TOMM20: variants seen among roughly 807,000 people sequenced by gnomAD.
TOMM20 encodes the protein translocase of outer mitochondrial membrane 20.
TOMM20 carries 10 observed loss-of-function variants against 22.1 expected under a neutral mutation model. The observed-to-expected ratio is 0.45, with a 90% CI of 0.28 to 0.77. The LOEUF is 0.77. Ranked by LOEUF, TOMM20 falls within the 30% of genes least tolerant of loss-of-function variation. The pLI, the probability that TOMM20 is intolerant of heterozygous loss-of-function variation, is 0.13. For synonymous variants in TOMM20, 55 were observed against 61.4 expected (o/e 0.90, Z 0.49); for missense variants, 121 against 172.2 (o/e 0.70, Z 1.66).
In TOMM20 at chr1:235,119,883, T is replaced by A; in HGVS notation, c.185A>T (p.Asp62Val). The A allele has an allele frequency of 6.2e-7, 1 of 1,610,756 alleles. No homozygotes were observed. Among genetic ancestry groups the A allele is most frequent in the Non-Finnish European group, 8.5e-7 (1 of 1,177,838 alleles). Reference sequence around the variant, plus strand: ...GAAGAACTTCTGAACAGCTTCAGCATCTTTAAGGTCAGGTAACTGGAAATA... The same window carrying A: ...GAAGAACTTCTGAACAGCTTCAGCAACTTTAAGGTCAGGTAACTGGAAATA... ...AGLSKLPDLK[D>V]AEAVQKFFLE... The change falls in exon 3 of 5, where the codon GAT becomes GTT. Residue 62 changes from aspartate to valine, a missense_variant. By Grantham distance (152) the Asp-to-Val change is radical. Transcript: ENST00000366607.
At chr1:235,120,602 C>A (rs576845318) in intron 2 of TOMM20, among the ~76,000 whole-genome samples, 1 of 151,826 alleles carries the variant, frequency 6.6e-6, no homozygotes, top group Non-Finnish European at 1.5e-5. Context: ...TTTTTTGAGA[C>A]AGGGTCTCAC....
chr1:235,127,276 C>A (rs139403417), intron 1 of TOMM20, among the ~76,000 whole-genome samples: 1 of 152,308 alleles, frequency 6.6e-6, no homozygotes, highest in East Asian at 1.9e-4. Flanking sequence ...ACAAGATCAA[C>A]AAGAGGTAGG....
intron 2 of TOMM20, among the ~76,000 whole-genome samples, chr1:235,121,989 CTT>C (rs1660938658): frequency 6.6e-6 from 1 of 152,094 alleles, no homozygotes; most frequent in African/African-American, 2.4e-5. Context: ...GAAATTAAAT[CTT>C]AAGTGTAATA....
chr1:235,109,817 G>C lies in TOMM20; in HGVS notation c.*2247C>G, dbSNP rs541598581. The C allele has an allele frequency of 6.6e-6, 1 of 152,198 alleles. No individual in the cohort carries two copies. The highest frequency in any genetic ancestry group is 1.5e-5 in the Non-Finnish European group (1 of 68,036). 9.4% of individuals were successfully genotyped at this position (152,198 alleles called of 1,614,324 possible). A position where few individuals can be genotyped will look rare whatever the true frequency, so the allele number is the denominator to read the frequency against. The stretch of plus-strand genomic sequence containing the variant: ...ATTTCCAAAGTTTTTTAGTAAGTGT[G>C]CAACATTAGCACATGGAAACGCTCA... On this transcript the variant is annotated 3_prime_UTR_variant, in exon 5 of 5. Transcript: ENST00000366607.
intron 2 of TOMM20, 116 bp downstream of exon 2, chr1:235,122,210 G>T: frequency 1.2e-6 from 1 of 827,606 alleles, no homozygotes; most frequent in Non-Finnish European, 1.7e-6. Context: ...AAATAAAAAA[G>T]CAATGTCCAG....
intron 3 of TOMM20, chr1:235,119,494 T>C (rs773954419): frequency 5.5e-5 from 10 of 182,464 alleles, no homozygotes; most frequent in Non-Finnish European, 1.1e-4. Context: ...TATCGCACTA[T>C]GGCTATACAT....
At position 235,109,387 on chromosome 1, in the gene TOMM20, CAAT is replaced by C. The variant is rs1305001947; in HGVS notation, c.*2674_*2676del. On this transcript the variant is annotated 3_prime_UTR_variant, in exon 5 of 5. Transcript: ENST00000366607. ...TTCACTTAAACAGTTGAGGCACAAG[CAAT>C]AATAAAACTGCATTTTTTACGTTAC... is the stretch of plus-strand genomic sequence containing the variant. The C allele has an allele frequency of 6.6e-6, 1 of 152,218 alleles. No individual in the cohort carries two copies. Among genetic ancestry groups the C allele is most frequent in the Non-Finnish European group, 1.5e-5 (1 of 68,040 alleles). The allele number at this position is 152,218 out of a possible 1,614,324, so 9.4% of individuals were successfully genotyped here.
intron 3 of TOMM20, among the ~76,000 whole-genome samples, chr1:235,117,475 CAAA>C (rs11307835): frequency 4.4e-5 from 6 of 136,138 alleles, no homozygotes; most frequent in African/African-American, 1.1e-4. Flanking sequence ...TCAAAAAAAA[CAAA>C]AAAAAAAAAA....
At chr1:235,119,945 G>A in intron 2 of TOMM20, 46 bp from the exon 3 acceptor site, 1 of 1,304,558 alleles carries the variant, frequency 7.7e-7, no homozygotes, top group South Asian at 1.2e-5. Flanking sequence ...TATGCCAGGG[G>A]ATATAACCAA....
intron 3 of TOMM20, among the ~76,000 whole-genome samples, chr1:235,117,046 G>A (rs11582001): frequency 0.26 from 37,990 of 144,190 alleles, 6,144 homozygotes; most frequent in South Asian, 0.53. Context: ...GAGGCAGGAG[G>A]ATGACATGAA....
intron 3 of TOMM20, among the ~76,000 whole-genome samples, chr1:235,117,719 G>C (rs1660858885): frequency 6.6e-6 from 1 of 152,124 alleles, no homozygotes; most frequent in African/African-American, 2.4e-5. Context: ...GAAACATTTT[G>C]GGTAAAATTT....
intron 4 of TOMM20, 23 bp downstream of exon 4, chr1:235,113,745 G>A: frequency 6.3e-7 from 1 of 1,592,182 alleles, no homozygotes; most frequent in Non-Finnish European, 8.5e-7. Flanking sequence ...TCACTTTTAT[G>A]TCATAACATT....
chr1:235,119,773 T>C (rs1660899892), intron 3 of TOMM20, 45 bp downstream of exon 3: 1 of 1,316,120 alleles, frequency 7.6e-7, no homozygotes, highest in African/African-American at 1.5e-5. Context: ...TTTCTATCAG[T>C]GAGAAAAATT....
Position 235,128,788 on chromosome 1 carries a change from G to C in TOMM20, c.-73C>G. 4 of 1,601,940 alleles carry C rather than the reference G, an allele frequency of 2.5e-6. No individual in the cohort carries two copies. The Admixed American group carries it at 5.1e-5, about 20-fold the overall frequency. On this transcript the variant is annotated 5_prime_UTR_variant, in exon 1 of 5. Transcript: ENST00000366607. The stretch of plus-strand genomic sequence containing the variant: ...GAGCGGTGGGCCACGAACCCTCAGA[G>C]CGGTCGGCGCAGCTCACACCCGACG...
chr1:235,126,303 T>C (rs1213836353), intron 1 of TOMM20, among the ~76,000 whole-genome samples: 1 of 151,352 alleles, frequency 6.6e-6, no homozygotes, highest in African/African-American at 2.4e-5. Flanking sequence ...CGGCTAATTT[T>C]TGTATTTTTA....
chr1:235,123,496 C>G (rs1257578938), intron 1 of TOMM20, among the ~76,000 whole-genome samples: 1 of 152,008 alleles, frequency 6.6e-6, no homozygotes, highest in Non-Finnish European at 1.5e-5. Context: ...AAAAAGAGGT[C>G]TCCCTACCTG....
At chr1:235,112,265 G>A (rs769260683) in intron 4 of TOMM20, among the ~76,000 whole-genome samples, 157 bp from the exon 5 acceptor site, 7 of 151,928 alleles carry the variant, frequency 4.6e-5, no homozygotes, top group Admixed American at 1.3e-4. Flanking sequence ...ACACACAGTC[G>A]GCATCCAAGA....
At chr1:235,120,045 G>A (rs1367820195) in intron 2 of TOMM20, 146 bp from the exon 3 acceptor site, 2 of 518,892 alleles carry the variant, frequency 3.9e-6, no homozygotes, top group Non-Finnish European at 6.9e-6. Flanking sequence ...CTGAATACTT[G>A]TAGGAATTAA....
At chr1:235,125,845 G>C (rs1661008062) in intron 1 of TOMM20, among the ~76,000 whole-genome samples, 2 of 150,722 alleles carry the variant, frequency 1.3e-5, no homozygotes, top group South Asian at 4.2e-4. Context: ...AGCATCCCAG[G>C]TTCAAGCGAT....
Sources: allele counts gnomAD v4.1 joint callset (sites outside exome capture counted in the v4.1 genomes callset), GRCh38; gene constraint gnomAD v4.1.1; transcripts MANE v1.5; gene names NCBI Gene and HGNC (gene_info 2026-07-23, HGNC 2026-07-21).